THRB: variants seen among roughly 807,000 people sequenced by gnomAD.
The protein encoded by THRB is nuclear receptor subfamily 1 group A member 2.
In THRB, 12 loss-of-function variants were observed where a neutral mutation model predicts 47.8. The observed-to-expected ratio is 0.25, with a 90% CI of 0.16 to 0.41. THRB has a LOEUF of 0.41. THRB is among the 10% of genes least tolerant of loss of function. The pLI is 1.00. For synonymous variants in THRB, 218 were observed against 212.2 expected (o/e 1.03, Z -0.24); for missense variants, 348 against 589.2 (o/e 0.59, Z 4.24).
chr3:24,158,853 TCTCTCTC>T lies in THRB; in HGVS notation c.284-6370_284-6364del, dbSNP rs1424510008. 2.6e-5 allele frequency among the ~76,000 whole-genome samples: 4 copies of T among 152,092 alleles called. No homozygotes were observed. In the East Asian group the frequency reaches 7.7e-4, roughly 29 times the overall value. ...TAAGACAGCTCTTCCTCTCTCTCTC[TCTCTCTC>T]TCTCTCTCTCTCGCATACTTGGGGG... On this transcript the variant is annotated intron_variant, in intron 5 of 10. Coordinates refer to ENST00000646209, the MANE Select transcript of THRB (RefSeq NM_001354712.2).
At chr3:24,486,350 C>T (rs1048009085) in intron 1 of THRB, 5 of 152,150 alleles carry the variant, frequency 3.3e-5, no homozygotes, top group African/African-American at 1.2e-4. Context: ...AGCATCTCAT[C>T]CATACGACAA....
chr3:24,334,609 A>G (rs1320714543), intron 2 of THRB, among the ~76,000 whole-genome samples: 1 of 152,226 alleles, frequency 6.6e-6, no homozygotes, highest in Non-Finnish European at 1.5e-5. Context: ...TGGAGAGCCA[A>G]CAACAACCAA....
chr3:24,494,408 G>A (rs1057088954), intron 1 of THRB: 4 of 152,318 alleles, frequency 2.6e-5, no homozygotes, highest in Admixed American at 1.3e-4. Flanking sequence ...CCACTCCGTA[G>A]CTCCCAGCCT....
At chr3:24,218,342 CTT>C (rs869304743) in intron 4 of THRB, among the ~76,000 whole-genome samples, 15,816 of 117,060 alleles carry the variant, frequency 0.14, 1,087 homozygotes, top group Non-Finnish European at 0.15. Context: ...CTCTCTCTCT[CTT>C]TTTTTTTTTT....
At chr3:24,141,365 G>A (rs2035419675) in intron 8 of THRB, among the ~76,000 whole-genome samples, 1 of 152,194 alleles carries the variant, frequency 6.6e-6, no homozygotes, top group South Asian at 2.1e-4. Flanking sequence ...TGGTTTCTCT[G>A]CTTCCAGACA....
intron 4 of THRB, among the ~76,000 whole-genome samples, chr3:24,221,353 C>CT (rs1336995425): frequency 1.4e-5 from 1 of 69,568 alleles, no homozygotes; most frequent in Non-Finnish European, 2.8e-5. Flanking sequence ...GAAGATACAT[C>CT]CCCACATAAC....
At position 24,390,793 on chromosome 3, in the gene THRB, A is replaced by ATAT. The variant is rs1275999988; in HGVS notation, c.-260-53423_-260-53422insATA. Among the ~76,000 whole-genome samples, 291 of 63,042 alleles carry ATAT rather than the reference A, an allele frequency of 4.6e-3. 3 individuals carry two copies. The highest frequency in any genetic ancestry group is 0.033 in the East Asian group (39 of 1,184). 41.4% of individuals were successfully genotyped at this position (63,042 alleles called of 152,430 possible). On this transcript the variant is annotated intron_variant, in intron 1 of 10. Transcript: ENST00000646209. ...CCCAATCTTTACTTTGTAAAAAAAA[A>ATAT]AAAAATATATATATATATATAATAT...
At chr3:24,198,765 C>T (rs2044265241) in intron 4 of THRB, among the ~76,000 whole-genome samples, 2 of 152,056 alleles carry the variant, frequency 1.3e-5, no homozygotes, top group African/African-American at 4.8e-5. Context: ...TTAGATAGCT[C>T]TTGAGACTGT....
chr3:24,483,586 T>A (rs1022086281), intron 1 of THRB, among the ~76,000 whole-genome samples: 1 of 151,488 alleles, frequency 6.6e-6, no homozygotes, highest in African/African-American at 2.4e-5. Flanking sequence ...TACTATGAAC[T>A]ACACAGATTT....
At chr3:24,454,548 G>A (rs1262699720) in intron 1 of THRB, among the ~76,000 whole-genome samples, 1 of 152,158 alleles carries the variant, frequency 6.6e-6, no homozygotes, top group African/African-American at 2.4e-5. Context: ...AAATAGAATG[G>A]AATGTAGTTT....
intron 3 of THRB, among the ~76,000 whole-genome samples, chr3:24,258,544 T>C (rs2051575333): frequency 6.6e-6 from 1 of 152,176 alleles, no homozygotes; most frequent in Non-Finnish European, 1.5e-5. Context: ...TCACCTATGA[T>C]AGCTTTGTTC....
At chr3:24,209,138 C>T (rs552492566) in intron 4 of THRB, among the ~76,000 whole-genome samples, 77 of 152,306 alleles carry the variant, frequency 5.1e-4, no homozygotes, top group African/African-American at 1.6e-3. Context: ...CAATGAGATG[C>T]CATCTCACAC....
At chr3:24,201,122 G>T (rs1324539887) in intron 4 of THRB, among the ~76,000 whole-genome samples, 2 of 151,754 alleles carry the variant, frequency 1.3e-5, no homozygotes, top group African/African-American at 4.9e-5. Context: ...TCTATTCTAT[G>T]ATTTTTTTTT....
intron 1 of THRB, among the ~76,000 whole-genome samples, chr3:24,365,323 C>T (rs912775859): frequency 6.6e-6 from 1 of 152,144 alleles, no homozygotes; most frequent in Non-Finnish European, 1.5e-5. Flanking sequence ...CCCATGTTTG[C>T]AAGCTGACAG....
At chr3:24,223,581 G>A (rs1354050154) in intron 4 of THRB, among the ~76,000 whole-genome samples, 2 of 152,108 alleles carry the variant, frequency 1.3e-5, no homozygotes, top group African/African-American at 4.8e-5. Context: ...GAAGATTAAA[G>A]CAAATGTGAT....
chr3:24,476,434 A>C (rs1166769838), intron 1 of THRB, among the ~76,000 whole-genome samples: 2 of 152,192 alleles, frequency 1.3e-5, no homozygotes, highest in African/African-American at 2.4e-5. Flanking sequence ...GTATTGTTTC[A>C]ATGGTTGCCA....
rs2049550948 is a variant in THRB at position 24,241,880 on chromosome 3, GA to G, written c.-42-12880del. Among the ~76,000 whole-genome samples the G allele has an allele frequency of 2.6e-5, 4 of 152,108 alleles. No homozygotes were observed. The South Asian group carries it at 8.3e-4, about 32-fold the overall frequency. ...GTTTCTGATGCACACTTGAGTGTGAGAACTACTGCTTTATAGTATTGGTGCA... is the reference window on the plus strand; with the variant it reads ...GTTTCTGATGCACACTTGAGTGTGAGACTACTGCTTTATAGTATTGGTGCA... On this transcript the variant is annotated intron_variant, in intron 3 of 10. Transcript: ENST00000646209.
intron 1 of THRB, among the ~76,000 whole-genome samples, chr3:24,354,381 TA>T (rs1183022496): frequency 2.0e-5 from 3 of 152,052 alleles, no homozygotes; most frequent in East Asian, 3.9e-4. Flanking sequence ...AGATAAAAGT[TA>T]AAAAAAAGTT....
chr3:24,126,011 A>G (rs1452110597), intron 10 of THRB, among the ~76,000 whole-genome samples: 1 of 152,192 alleles, frequency 6.6e-6, no homozygotes, highest in Non-Finnish European at 1.5e-5. Flanking sequence ...GAAATTTTCC[A>G]TAATAAAAAG....
Sources: allele counts gnomAD v4.1 joint callset (sites outside exome capture counted in the v4.1 genomes callset), GRCh38; gene constraint gnomAD v4.1.1; transcripts MANE v1.5; gene names NCBI Gene and HGNC (gene_info 2026-07-23, HGNC 2026-07-21).